PLEKHA1: variants seen among roughly 807,000 people sequenced by gnomAD.
The protein encoded by PLEKHA1 is pleckstrin homology domain-containing family A member 1.
A neutral mutation model predicts 52.0 loss-of-function variants in PLEKHA1; 34 were observed. The ratio of observed to expected loss-of-function variants is 0.65; its 90% confidence interval spans 0.50 to 0.87. The LOEUF (loss-of-function observed/expected upper bound fraction) is 0.87, where lower values mean the gene tolerates loss of function less well. PLEKHA1 is among the 40% of genes least tolerant of loss of function. The probability of loss-of-function intolerance (pLI) is 0.00; values close to 1 mark genes in which losing one functional copy is unlikely to be tolerated. For synonymous variants in PLEKHA1, 163 were observed against 170.7 expected (o/e 0.95, Z 0.35); for missense variants, 497 against 504.2 (o/e 0.99, Z 0.14).
At chr10:122,410,827 T>A (rs922362438) in intron 5 of PLEKHA1, among the ~76,000 whole-genome samples, 1 of 152,212 alleles carries the variant, frequency 6.6e-6, no homozygotes, top group Admixed American at 6.5e-5. Flanking sequence ...CTTGAGAGAA[T>A]AACTGCTAGT....
At position 122,431,056 on chromosome 10, in the gene PLEKHA1, G is replaced by C. The variant is rs1001264292; in HGVS notation, c.*1118G>C. 6.6e-6 allele frequency: 1 copy of C among 152,346 alleles called. No homozygotes were observed. The highest frequency in any genetic ancestry group is 1.5e-5 in the Non-Finnish European group (1 of 68,000). The allele number at this position is 152,346 out of a possible 1,614,324, so 9.4% of individuals were successfully genotyped here. A position where few individuals can be genotyped will look rare whatever the true frequency, so the allele number is the denominator to read the frequency against. On this transcript the variant is annotated 3_prime_UTR_variant, in exon 12 of 12. Coordinates refer to ENST00000368990, the MANE Select transcript of PLEKHA1 (RefSeq NM_001001974.4). ...GAATACATTTAATCATAGGGATATA[G>C]ATATAAGCACCTCTCTAAAGAATCT...
intron 4 of PLEKHA1, among the ~76,000 whole-genome samples, chr10:122,405,688 A>G (rs1451881290): frequency 1.3e-5 from 2 of 152,016 alleles, no homozygotes; most frequent in Non-Finnish European, 2.9e-5. Flanking sequence ...CCCAGGAATT[A>G]GACGCATGAA....
chr10:122,437,067 A>C (rs1365521375), downstream of PLEKHA1: 1 of 131,518 alleles, frequency 7.6e-6, no homozygotes, highest in Non-Finnish European at 1.5e-5. Flanking sequence ...TTCCCTGTGG[A>C]AACATTTATT....
chr10:122,407,888 A>T (rs917974195), intron 5 of PLEKHA1, among the ~76,000 whole-genome samples: 1 of 152,168 alleles, frequency 6.6e-6, no homozygotes, highest in Non-Finnish European at 1.5e-5. Context: ...ATAATTTCCT[A>T]TTTATATCAC....
chr10:122,437,614 T>C, the PLEKHA1 span: 2 of 152,268 alleles, frequency 1.3e-5, no homozygotes, highest in African/African-American at 2.4e-5. Context: ...GGCGCTCCAA[T>C]ATTAAGAGCT....
At chr10:122,385,706 G>A (rs1044396097) in intron 1 of PLEKHA1, among the ~76,000 whole-genome samples, 2 of 152,304 alleles carry the variant, frequency 1.3e-5, no homozygotes, top group South Asian at 4.1e-4. Context: ...CGGTAGAGCA[G>A]TATTCCATCT....
At chr10:122,418,266 C>T (rs575522546) in intron 8 of PLEKHA1, 27 of 242,316 alleles carry the variant, frequency 1.1e-4, no homozygotes, top group African/African-American at 2.0e-4. Flanking sequence ...GTTAGCCCCA[C>T]GTGGAGTAGG....
intron 8 of PLEKHA1, chr10:122,420,564 A>G (rs936515791): frequency 6.6e-6 from 1 of 152,242 alleles, no homozygotes; most frequent in Non-Finnish European, 1.5e-5. Context: ...CTAAAAGATC[A>G]TTTAAAAATT....
the PLEKHA1 span, chr10:122,437,733 TGAG>T: frequency 1.3e-4 from 20 of 152,274 alleles, no homozygotes; most frequent in East Asian, 1.2e-3. Context: ...GAAAATGAAG[TGAG>T]GAGGAGATCG....
intron 7 of PLEKHA1, 91 bp downstream of exon 7, chr10:122,416,093 T>G (rs1211203099): frequency 7.3e-7 from 1 of 1,377,774 alleles, no homozygotes; most frequent in African/African-American, 1.5e-5. Context: ...CTTTATTTTA[T>G]GAAAGACCCA....
chr10:122,426,324 T>C (rs186031985), intron 10 of PLEKHA1, among the ~76,000 whole-genome samples: 48 of 152,210 alleles, frequency 3.2e-4, no homozygotes, highest in African/African-American at 1.2e-3. Context: ...TTAATATTAC[T>C]TATTCAAAAA....
chr10:122,393,122 C>T lies in PLEKHA1; in HGVS notation c.-20-59C>T. On this transcript the variant is annotated intron_variant, in intron 1 of 11. Coordinates refer to ENST00000368990, the MANE Select transcript of PLEKHA1 (RefSeq NM_001001974.4). This position sits in a 1 kb window ranked among gnomAD's most constrained non-coding sequence, Gnocchi z 4.5. ...CCCCCTCATTGAACAGATTTGCAGT[C>T]CATGAGAAATACTTTCCTGTTTCAT... 7.1e-7 allele frequency: 1 copy of T among 1,400,702 alleles called. No individual in the cohort carries two copies. Among genetic ancestry groups the T allele is most frequent in the Non-Finnish European group, 9.6e-7 (1 of 1,043,226 alleles). The allele number at this position is 1,400,702 out of a possible 1,614,324, so 86.8% of individuals were successfully genotyped here.
At chr10:122,395,153 C>T (rs563752958) in intron 2 of PLEKHA1, among the ~76,000 whole-genome samples, 4 of 152,226 alleles carry the variant, frequency 2.6e-5, no homozygotes, top group South Asian at 2.1e-4. Context: ...GAGCCTATGG[C>T]GTGTTTGGAG....
intron 2 of PLEKHA1, among the ~76,000 whole-genome samples, chr10:122,396,819 T>C (rs1006813497): frequency 6.6e-6 from 1 of 152,090 alleles, no homozygotes; most frequent in Non-Finnish European, 1.5e-5. Context: ...AGAAATGAAA[T>C]TTATATTCTT....
intron 1 of PLEKHA1, chr10:122,386,755 G>C (rs976850763): frequency 1.3e-5 from 2 of 152,064 alleles, no homozygotes; most frequent in Non-Finnish European, 2.9e-5. Context: ...CTCTCTTCCT[G>C]TTTACTAGAA....
chr10:122,399,452 C>G (rs1317198527), intron 3 of PLEKHA1, among the ~76,000 whole-genome samples: 1 of 152,078 alleles, frequency 6.6e-6, no homozygotes, highest in Non-Finnish European at 1.5e-5. Flanking sequence ...TCCCATTATC[C>G]TAGGGCATTC....
intron 1 of PLEKHA1, among the ~76,000 whole-genome samples, chr10:122,383,880 A>G (rs1242848084): frequency 1.3e-5 from 2 of 152,188 alleles, no homozygotes; most frequent in South Asian, 2.1e-4. Context: ...TTTTTAATTC[A>G]TAGGTTTCTC....
At chr10:122,411,918 G>A (rs1248208835) in intron 5 of PLEKHA1, 1 of 152,138 alleles carries the variant, frequency 6.6e-6, no homozygotes. Context: ...AAGGTTCCAC[G>A]TGCCCTTTAA....
intron 1 of PLEKHA1, among the ~76,000 whole-genome samples, chr10:122,376,102 G>T (rs2096530629): frequency 6.6e-6 from 1 of 152,156 alleles, no homozygotes; most frequent in Non-Finnish European, 1.5e-5. Flanking sequence ...CAAAGTTTGG[G>T]TAAGAGTTAT....
Sources: allele counts gnomAD v4.1 joint callset (sites outside exome capture counted in the v4.1 genomes callset), GRCh38; gene constraint gnomAD v4.1.1; non-coding constraint Gnocchi (gnomAD v3.1); transcripts MANE v1.5; gene names NCBI Gene and HGNC (gene_info 2026-07-23, HGNC 2026-07-21).